ORC4: variants seen among roughly 807,000 people sequenced by gnomAD.
ORC4 encodes the protein origin recognition complex subunit 4, also known as origin recognition complex, subunit 4 homolog.
A neutral mutation model predicts 63.9 loss-of-function variants in ORC4; 55 were observed. That is an observed-to-expected ratio of 0.86 (90% CI 0.69 to 1.08). The LOEUF is 1.08. Ranked by LOEUF, ORC4 falls within the 50% of genes least tolerant of loss-of-function variation. ORC4 has a pLI of 0.00. For missense variants in ORC4, 511 were observed against 504.4 expected, an observed-to-expected ratio of 1.01 and a Z score of -0.13; for synonymous variants, 150 against 168.5, an observed-to-expected ratio of 0.89 and a Z score of 0.85.
intron 1 of ORC4, among the ~76,000 whole-genome samples, chr2:147,989,518 C>T (rs1053791269): frequency 6.6e-6 from 1 of 152,048 alleles, no homozygotes; most frequent in African/African-American, 2.4e-5. Context: ...CGAGCCTGGC[C>T]AACATGGTGA....
At chr2:147,996,401 G>C (rs560077037) in intron 1 of ORC4, among the ~76,000 whole-genome samples, 1 of 152,108 alleles carries the variant, frequency 6.6e-6, no homozygotes, top group East Asian at 1.9e-4. Context: ...ATACAACACC[G>C]AAAGTACAAT....
At chr2:147,997,069 G>C (rs1016847237) in intron 1 of ORC4, among the ~76,000 whole-genome samples, 1 of 152,052 alleles carries the variant, frequency 6.6e-6, no homozygotes. Context: ...ATCTTACTCA[G>C]CATGTAAAAG....
chr2:148,017,235 T>C (rs1381009458), intron 1 of ORC4, among the ~76,000 whole-genome samples: 1 of 152,242 alleles, frequency 6.6e-6, no homozygotes, highest in Non-Finnish European at 1.5e-5. Flanking sequence ...TCAATTATAA[T>C]TTCAACATGT....
chr2:147,975,127 T>C (rs1690468777), intron 2 of ORC4, among the ~76,000 whole-genome samples: 1 of 152,142 alleles, frequency 6.6e-6, no homozygotes, highest in Admixed American at 6.6e-5. Flanking sequence ...TTAATTTTTA[T>C]TTAAAAACTA....
intron 9 of ORC4, among the ~76,000 whole-genome samples, chr2:147,945,015 A>C (rs1209219266): frequency 6.6e-6 from 1 of 152,102 alleles, no homozygotes; most frequent in Non-Finnish European, 1.5e-5. Flanking sequence ...GGAAATTAAA[A>C]AAAAATTTGT....
At chr2:148,004,692 T>C (rs1692519778) in intron 1 of ORC4, among the ~76,000 whole-genome samples, 1 of 152,138 alleles carries the variant, frequency 6.6e-6, no homozygotes, top group Non-Finnish European at 1.5e-5. Context: ...ATTCAGGACA[T>C]AGGCATGGGC....
chr2:148,008,636 G>A (rs946732115), intron 1 of ORC4, among the ~76,000 whole-genome samples: 1 of 151,946 alleles, frequency 6.6e-6, no homozygotes, highest in Non-Finnish European at 1.5e-5. Flanking sequence ...CCAATTACCT[G>A]CTACCTGCTC....
chr2:147,982,793 G>C (rs921942667), intron 1 of ORC4, among the ~76,000 whole-genome samples: 1 of 152,060 alleles, frequency 6.6e-6, no homozygotes, highest in Non-Finnish European at 1.5e-5. Context: ...AATTCTAATA[G>C]TACAGATGAG....
intron 1 of ORC4, among the ~76,000 whole-genome samples, chr2:147,981,176 G>A (rs1477220526): frequency 2.0e-5 from 3 of 152,182 alleles, no homozygotes; most frequent in Non-Finnish European, 4.4e-5. Flanking sequence ...ATCCATGGGA[G>A]ATGAATTCCA....
intron 4 of ORC4, among the ~76,000 whole-genome samples, chr2:147,959,914 C>A (rs1689490108): frequency 6.6e-6 from 1 of 152,108 alleles, no homozygotes; most frequent in South Asian, 2.1e-4. Flanking sequence ...ACCTCTGGAT[C>A]AGGTCAGACA....
chr2:147,949,563 C>T (rs1487287908), intron 8 of ORC4, among the ~76,000 whole-genome samples: 2 of 152,060 alleles, frequency 1.3e-5, no homozygotes, highest in African/African-American at 4.8e-5. Flanking sequence ...GTATAAATTA[C>T]ATCTCAATAA....
chr2:147,989,661 C>T (rs552370624), intron 1 of ORC4, among the ~76,000 whole-genome samples: 1 of 152,006 alleles, frequency 6.6e-6, no homozygotes, highest in African/African-American at 2.4e-5. Context: ...GAGCCAAGAT[C>T]GCCAACACTG....
At chr2:147,993,750 G>T (rs1691770005) in intron 1 of ORC4, among the ~76,000 whole-genome samples, 1 of 152,064 alleles carries the variant, frequency 6.6e-6, no homozygotes, top group Non-Finnish European at 1.5e-5. Context: ...GCATTATATG[G>T]CTTAGAACTT....
chr2:147,996,220 C>T (rs530187553), intron 1 of ORC4, among the ~76,000 whole-genome samples: 2 of 152,244 alleles, frequency 1.3e-5, no homozygotes, highest in South Asian at 4.1e-4. Context: ...AGGAGAACCA[C>T]TTGAACCCGG....
intron 4 of ORC4, among the ~76,000 whole-genome samples, chr2:147,969,438 TA>T (rs1690083091): frequency 1.3e-5 from 2 of 152,044 alleles, no homozygotes; most frequent in African/African-American, 4.8e-5. Context: ...AAATAAAGTA[TA>T]AAAAGGTTAA....
intron 10 of ORC4, among the ~76,000 whole-genome samples, chr2:147,941,031 G>T (rs945328327): frequency 6.6e-6 from 1 of 151,966 alleles, no homozygotes; most frequent in African/African-American, 2.4e-5. Context: ...GAAAGTAATG[G>T]TAACTTTTGC....
At chr2:147,972,934 C>G in intron 3 of ORC4, 105 bp from the exon 4 acceptor site, 4 of 729,910 alleles carry the variant, frequency 5.5e-6, no homozygotes, top group Non-Finnish European at 9.7e-6. Flanking sequence ...AATTTCCTCT[C>G]TTCTCTCCCT....
At chr2:148,019,029 G>A (rs62169552) in intron 1 of ORC4, among the ~76,000 whole-genome samples, 1,959 of 150,978 alleles carry the variant, frequency 0.013, 16 homozygotes, top group Middle Eastern at 0.021. Flanking sequence ...TTGTAGCTAA[G>A]GCACATTAAC....
At chr2:147,967,245 C>T (rs1321114539) in intron 4 of ORC4, among the ~76,000 whole-genome samples, 1 of 151,934 alleles carries the variant, frequency 6.6e-6, no homozygotes, top group Admixed American at 6.6e-5. Flanking sequence ...TGGGGAAAAA[C>T]TAAAAGTTTC....
Sources: gnomAD v4.1 joint callset for allele counts (sites outside exome capture counted in the v4.1 genomes callset) on GRCh38, gnomAD v4.1.1 for gene constraint, MANE v1.5 for transcripts, NCBI Gene and HGNC (gene_info 2026-07-23, HGNC 2026-07-21) for gene names.